Variants in PALD1 observed in about 807,000 individuals in gnomAD.
PALD1 encodes phosphatase domain containing paladin 1, also known as paladin.
Under a neutral mutation model 96.0 loss-of-function variants are expected in PALD1, and 57 were observed. The ratio of observed to expected loss-of-function variants is 0.59; its 90% CI spans 0.48 to 0.74. The LOEUF is 0.74. Ranked by LOEUF, PALD1 falls within the 30% of genes least tolerant of loss-of-function variation. The probability of loss-of-function intolerance (pLI) is 0.00; values close to 1 mark genes in which losing one functional copy is unlikely to be tolerated. For missense variants in PALD1, 1,063 were observed against 1,143.7 expected (o/e 0.93, Z 1.02); for synonymous variants, 464 against 473.6 (o/e 0.98, Z 0.26).
chr10:70,509,612 C>T (rs1434345379), intron 1 of PALD1, among the ~76,000 whole-genome samples: 1 of 152,138 alleles, frequency 6.6e-6, no homozygotes, highest in African/African-American at 2.4e-5. Context: ...AGCAGGAGGC[C>T]CATTCATTTC....
In PALD1 at chr10:70,515,961, G is replaced by T. The variant is rs1298320616; in HGVS notation, c.-29-9962G>T. On this transcript the variant is annotated intron_variant, in intron 1 of 19. Transcript: ENST00000263563. ...ATGGGAATGAAAACACCAACTTTCT[G>T]GGGCTTTTGCATGCCTCTAACAGAT... Among the ~76,000 whole-genome samples, 5 of 152,096 alleles carry T rather than the reference G, an allele frequency of 3.3e-5. No individual in the cohort carries two copies. The East Asian group carries it at 9.6e-4, about 29-fold the overall frequency.
intron 1 of PALD1, among the ~76,000 whole-genome samples, chr10:70,513,881 C>T (rs907719634): frequency 3.3e-5 from 5 of 152,174 alleles, no homozygotes; most frequent in African/African-American, 7.2e-5. Flanking sequence ...CCTGCAGGCC[C>T]GTGATGGCTG....
At chr10:70,483,844 T>C (rs183590796) in intron 1 of PALD1, among the ~76,000 whole-genome samples, 69 of 152,292 alleles carry the variant, frequency 4.5e-4, no homozygotes, top group African/African-American at 1.6e-3. Flanking sequence ...TGTCCCCGGC[T>C]TTTTTTAGGA....
At chr10:70,553,172 C>T (rs1847516443) in intron 18 of PALD1, among the ~76,000 whole-genome samples, 2 of 152,196 alleles carry the variant, frequency 1.3e-5, no homozygotes, top group Admixed American at 6.5e-5. Context: ...CTGGCTCTCT[C>T]ATTCCATCTA....
intron 17 of PALD1, among the ~76,000 whole-genome samples, chr10:70,542,075 A>G (rs1450065488): frequency 6.6e-6 from 1 of 152,014 alleles, no homozygotes; most frequent in Non-Finnish European, 1.5e-5. Context: ...TGGCTGACCC[A>G]CAGTCAGCAG....
In PALD1 at chr10:70,479,072, C is replaced by T. The variant is rs977081230; in HGVS notation, c.-30+13C>T. 6.6e-6 allele frequency: 1 copy of T among 152,276 alleles called. No individual in the cohort carries two copies. Among genetic ancestry groups the T allele is most frequent in the African/African-American group, 2.4e-5 (1 of 41,462 alleles). 9.4% of individuals were successfully genotyped at this position (152,276 alleles called of 1,614,324 possible). ...CGCGGGCTGGCAGGTACCGAAGTGT[C>T]CTGCCCTGGGGCTGGCGAGGGGAGG... On this transcript the variant is annotated intron_variant, in intron 1 of 19. Coordinates refer to ENST00000263563, the MANE Select transcript of PALD1 (RefSeq NM_014431.3).
chr10:70,468,702 CTGTG>C, the PALD1 span, among the ~76,000 whole-genome samples: 17,402 of 123,564 alleles, frequency 0.14, 1,261 homozygotes, highest in East Asian at 0.38. Context: ...TGAGGCAGGA[CTGTG>C]TGTGTGTGTG....
chr10:70,531,501 T>C, intron 5 of PALD1, 47 bp downstream of exon 5: 1 of 1,553,634 alleles, frequency 6.4e-7, no homozygotes, highest in Non-Finnish European at 8.8e-7. Flanking sequence ...ACAGCCCAGC[T>C]TTGCAGATGC....
intron 1 of PALD1, among the ~76,000 whole-genome samples, chr10:70,500,357 G>A (rs1279962083): frequency 6.6e-6 from 1 of 152,156 alleles, no homozygotes; most frequent in Non-Finnish European, 1.5e-5. Context: ...CATTGCCACA[G>A]CTGGGCAGCA....
chr10:70,539,205 C>T lies in PALD1; in HGVS notation c.1683C>T (p.Ser561=), dbSNP rs1847183738. 2 of 1,612,220 alleles carry T rather than the reference C, an allele frequency of 1.2e-6. No homozygotes were observed. The highest frequency in any genetic ancestry group is 1.1e-5 in the South Asian group (1 of 90,722). The change falls in exon 14 of 20, where the codon AGC becomes AGT. Residue 561 remains serine, a synonymous_variant. Coordinates refer to ENST00000263563, the MANE Select transcript of PALD1 (RefSeq NM_014431.3). The surrounding 1 kb of genome is among the most constrained non-coding windows in gnomAD (Gnocchi z 4.5). ...AVLECDGHTY[S]LRWPGPPVAP... is the part of the protein sequence containing the mutation. ...TGGAGTGTGACGGGCACACCTACAG[C>T]CTGCGGTGGCCTGGGCCCCCTGTGG...
intron 1 of PALD1, among the ~76,000 whole-genome samples, chr10:70,521,781 G>T (rs1372477714): frequency 2.0e-5 from 3 of 151,882 alleles, no homozygotes; most frequent in Admixed American, 2.0e-4. Flanking sequence ...TGATCTGCCC[G>T]CTTTGGCCTT....
chr10:70,478,852 C>G lies in PALD1; in HGVS notation c.-237C>G, dbSNP rs955560288. On this transcript the variant is annotated 5_prime_UTR_variant, in exon 1 of 20. Coordinates refer to ENST00000263563, the MANE Select transcript of PALD1 (RefSeq NM_014431.3). Reference sequence around the variant, plus strand: ...CCCGTCGCCGGTGAGCACGGGCTCCCTCTCGCGTGGCCTCGCCGGGTCCGC... The same window carrying G: ...CCCGTCGCCGGTGAGCACGGGCTCCGTCTCGCGTGGCCTCGCCGGGTCCGC... 2 of 151,876 alleles carry G rather than the reference C, an allele frequency of 1.3e-5. No homozygotes were observed. Among genetic ancestry groups the G allele is most frequent in the Non-Finnish European group, 2.9e-5 (2 of 67,978 alleles). The allele number at this position is 151,876 out of a possible 1,614,324, so 9.4% of individuals were successfully genotyped here. A position where few individuals can be genotyped will look rare whatever the true frequency, so the allele number is the denominator to read the frequency against.
rs1343520662 is a variant in PALD1 at position 70,539,031 on chromosome 10, G to A, written c.1569+23G>A. ...AAGGTGACCGGCCCTCAGGGCCTGG[G>A]TCCCCCAGTGGGTTTGGGGAGGGAG... On this transcript the variant is annotated intron_variant, in intron 13 of 19. Coordinates refer to ENST00000263563, the MANE Select transcript of PALD1 (RefSeq NM_014431.3). This position sits in a 1 kb window ranked among gnomAD's most constrained non-coding sequence, Gnocchi z 4.5. 9.3e-6 allele frequency: 15 copies of A among 1,613,198 alleles called. No individual in the cohort carries two copies. The South Asian group carries it at 1.5e-4, about 17-fold the overall frequency.
intron 1 of PALD1, among the ~76,000 whole-genome samples, chr10:70,524,818 T>C (rs1846818763): frequency 6.6e-6 from 1 of 152,228 alleles, no homozygotes; most frequent in African/African-American, 2.4e-5. Context: ...TTTCCAATGT[T>C]GTGTGATTAT....
intron 19 of PALD1, 46 bp from the exon 20 acceptor site, chr10:70,566,535 C>G: frequency 6.6e-7 from 1 of 1,505,800 alleles, no homozygotes; most frequent in Non-Finnish European, 9.1e-7. Context: ...CTTAGTGGCA[C>G]CCTCCCTCCC....
At chr10:70,489,800 C>T (rs1846071292) in intron 1 of PALD1, among the ~76,000 whole-genome samples, 1 of 152,182 alleles carries the variant, frequency 6.6e-6, no homozygotes, top group Non-Finnish European at 1.5e-5. Flanking sequence ...CCCCAGTACC[C>T]ATTGGTAGTC....
the PALD1 span, among the ~76,000 whole-genome samples, chr10:70,468,852 G>A: frequency 1.3e-5 from 2 of 151,956 alleles, no homozygotes; most frequent in Non-Finnish European, 2.9e-5. Context: ...TTCTCCTGAG[G>A]CAGGACTCTT....
Position 70,529,213 on chromosome 10 carries a change from C to A in PALD1, c.186-16C>A, listed in dbSNP as rs541887111. The A allele has an allele frequency of 0.38, 52,403 of 138,236 alleles. 6,775 individuals are homozygous for A. The highest frequency in any genetic ancestry group is 0.48 in the East Asian group (4,995 of 10,378). The allele number at this position is 138,236 out of a possible 1,614,324, so 8.6% of individuals were successfully genotyped here. On this transcript the variant is annotated splice_polypyrimidine_tract_variant and intron_variant, in intron 2 of 19. Coordinates refer to ENST00000263563, the MANE Select transcript of PALD1 (RefSeq NM_014431.3). Reference sequence around the variant, plus strand: ...CTTGACTCAGTTTCCATTCTGCCCCCCCCCCCCCCCCCCAGGTACAACTGC... The same window carrying A: ...CTTGACTCAGTTTCCATTCTGCCCCACCCCCCCCCCCCCAGGTACAACTGC...
chr10:70,459,432 A>T, the PALD1 span, among the ~76,000 whole-genome samples: 1 of 152,190 alleles, frequency 6.6e-6, no homozygotes, highest in Non-Finnish European at 1.5e-5. Context: ...TAGGAGGGTC[A>T]AGCCCCTTCA....
Sources: allele counts gnomAD v4.1 joint callset (sites outside exome capture counted in the v4.1 genomes callset), GRCh38; gene constraint gnomAD v4.1.1; non-coding constraint Gnocchi (gnomAD v3.1); transcripts MANE v1.5; gene names NCBI Gene and HGNC (gene_info 2026-07-23, HGNC 2026-07-21).